Variants in ARHGAP26 observed in about 807,000 individuals in gnomAD.
The protein encoded by ARHGAP26 is Rho GTPase activating protein 26.
A neutral mutation model predicts 104.8 loss-of-function variants in ARHGAP26; 38 were observed. That is an observed-to-expected ratio of 0.36 (90% CI 0.28 to 0.48). ARHGAP26 has a LOEUF of 0.48. Among genes scored for constraint, ARHGAP26 ranks in the 20% least tolerant of loss-of-function variants. The pLI, the probability that ARHGAP26 is intolerant of heterozygous loss-of-function variation, is 0.99. For synonymous variants in ARHGAP26, 341 were observed against 340.0 expected (o/e 1.00, Z -0.03); for missense variants, 704 against 947.9 (o/e 0.74, Z 3.38).
chr5:142,857,222 AT>A (rs1752505533), intron 1 of ARHGAP26, among the ~76,000 whole-genome samples: 1 of 152,174 alleles, frequency 6.6e-6, no homozygotes, highest in African/African-American at 2.4e-5. Flanking sequence ...CAAAGACCCC[AT>A]TTCCAAATAA....
At chr5:143,049,962 A>C (rs1186205711) in intron 14 of ARHGAP26, among the ~76,000 whole-genome samples, 2 of 152,106 alleles carry the variant, frequency 1.3e-5, no homozygotes, top group African/African-American at 4.8e-5. Flanking sequence ...TCTGCTCTGT[A>C]GTCTGATTTC....
At chr5:143,142,671 G>A (rs1207334125) in intron 19 of ARHGAP26, among the ~76,000 whole-genome samples, 3 of 152,178 alleles carry the variant, frequency 2.0e-5, no homozygotes, top group African/African-American at 7.2e-5. Context: ...AAGAGCTACA[G>A]GGGGTAAAAA....
At chr5:143,137,348 A>C (rs1185125587) in intron 19 of ARHGAP26, among the ~76,000 whole-genome samples, 3 of 152,188 alleles carry the variant, frequency 2.0e-5, no homozygotes, top group Admixed American at 1.3e-4. Flanking sequence ...CTCAACTAGA[A>C]TTGGGTTCAG....
intron 20 of ARHGAP26, among the ~76,000 whole-genome samples, chr5:143,197,256 G>A (rs1412695825): frequency 1.3e-5 from 2 of 152,116 alleles, no homozygotes; most frequent in African/African-American, 4.8e-5. Context: ...CTGGGTCCAA[G>A]GGAATGGTAT....
intron 17 of ARHGAP26, among the ~76,000 whole-genome samples, chr5:143,089,531 G>A (rs1182093997): frequency 1.3e-5 from 2 of 152,192 alleles, no homozygotes; most frequent in Non-Finnish European, 2.9e-5. Flanking sequence ...GTACAACACT[G>A]AGTTTTAATC....
chr5:142,959,361 T>C (rs1353364625), intron 11 of ARHGAP26, among the ~76,000 whole-genome samples: 1 of 152,226 alleles, frequency 6.6e-6, no homozygotes, highest in Non-Finnish European at 1.5e-5. Flanking sequence ...GTTCTGAAGC[T>C]CAGAAATCTG....
intron 1 of ARHGAP26, among the ~76,000 whole-genome samples, chr5:142,786,442 G>A (rs1234351475): frequency 6.6e-6 from 1 of 151,996 alleles, no homozygotes; most frequent in Non-Finnish European, 1.5e-5. Flanking sequence ...GACTAGAGGA[G>A]CATGCTACCA....
intron 11 of ARHGAP26, among the ~76,000 whole-genome samples, chr5:142,946,337 C>A (rs1339827139): frequency 6.6e-6 from 1 of 152,118 alleles, no homozygotes; most frequent in Non-Finnish European, 1.5e-5. Flanking sequence ...CTAGACATTC[C>A]GAGCTGTGAC....
At chr5:143,006,223 A>G (rs1266867481) in intron 11 of ARHGAP26, among the ~76,000 whole-genome samples, 1 of 152,114 alleles carries the variant, frequency 6.6e-6, no homozygotes, top group African/African-American at 2.4e-5. Context: ...GGGGAGAACA[A>G]AGCGGTCACC....
chr5:143,124,381 C>G (rs967855050), intron 18 of ARHGAP26, among the ~76,000 whole-genome samples: 1 of 152,204 alleles, frequency 6.6e-6, no homozygotes, highest in Non-Finnish European at 1.5e-5. Context: ...ATCTCCAAAC[C>G]TAGTGACTTA....
At chr5:142,829,583 T>G (rs532236059) in intron 1 of ARHGAP26, among the ~76,000 whole-genome samples, 6 of 152,250 alleles carry the variant, frequency 3.9e-5, no homozygotes, top group African/African-American at 1.2e-4. Flanking sequence ...CAGTGTGATA[T>G]AATTGGTATT....
At chr5:142,815,318 G>A (rs1457416535) in intron 1 of ARHGAP26, among the ~76,000 whole-genome samples, 1 of 152,198 alleles carries the variant, frequency 6.6e-6, no homozygotes, top group African/African-American at 2.4e-5. Flanking sequence ...TGGGATTACC[G>A]GTGTGAACCA....
intron 11 of ARHGAP26, among the ~76,000 whole-genome samples, chr5:143,013,446 T>C (rs1779159050): frequency 6.6e-6 from 1 of 152,246 alleles, no homozygotes; most frequent in Non-Finnish European, 1.5e-5. Context: ...CTTTCCCTTT[T>C]TGTGATTTAC....
intron 6 of ARHGAP26, among the ~76,000 whole-genome samples, chr5:142,895,438 G>T (rs1202316933): frequency 6.6e-6 from 1 of 151,986 alleles, no homozygotes; most frequent in Non-Finnish European, 1.5e-5. Flanking sequence ...CACCATGTTG[G>T]CCAGGATGGT....
At chr5:143,039,092 A>G (rs1477959392) in intron 13 of ARHGAP26, among the ~76,000 whole-genome samples, 1 of 152,030 alleles carries the variant, frequency 6.6e-6, no homozygotes, top group Non-Finnish European at 1.5e-5. Flanking sequence ...CACAGGTTTC[A>G]TTGTGTTCTC....
intron 11 of ARHGAP26, among the ~76,000 whole-genome samples, chr5:142,988,808 A>G (rs1775162199): frequency 6.6e-6 from 1 of 152,142 alleles, no homozygotes; most frequent in South Asian, 2.1e-4. Flanking sequence ...GTTTTGAGTG[A>G]GTTTCTTAAT....
intron 11 of ARHGAP26, among the ~76,000 whole-genome samples, chr5:143,005,493 G>A (rs1777814789): frequency 6.6e-6 from 1 of 152,236 alleles, no homozygotes; most frequent in Admixed American, 6.5e-5. Flanking sequence ...GTTGGGATCA[G>A]CCCCACCCAA....
chr5:143,054,504 A>G lies in ARHGAP26; in HGVS notation c.1351A>G (p.Ser451Gly). 2 of 1,613,088 alleles carry G rather than the reference A, an allele frequency of 1.2e-6. No homozygotes were observed. The highest frequency in any genetic ancestry group is 1.7e-6 in the Non-Finnish European group (2 of 1,179,410). ...CAEWEIKTIT[S>G]ALKTYLRMLP... ...TGAATGGGAGATAAAGACCATCACT[A>G]GTGCTCTGAAGACCTACCTAAGGTA... Residue 451 changes from serine (S) to glycine (G), a missense_variant, in exon 15 of 23, where the codon AGT (serine) becomes GGT (glycine). By Grantham distance (56) the Ser-to-Gly change is moderately conservative. Coordinates refer to ENST00000645722, the MANE Select transcript of ARHGAP26 (RefSeq NM_001135608.3).
At chr5:143,015,913 G>A (rs1399892097) in intron 12 of ARHGAP26, among the ~76,000 whole-genome samples, 1 of 152,226 alleles carries the variant, frequency 6.6e-6, no homozygotes, top group East Asian at 1.9e-4. Flanking sequence ...TCGAGGATAT[G>A]CTTTGGAATC....
Sources: allele counts gnomAD v4.1 joint callset (sites outside exome capture counted in the v4.1 genomes callset), GRCh38; gene constraint gnomAD v4.1.1; transcripts MANE v1.5; gene names NCBI Gene and HGNC (gene_info 2026-07-23, HGNC 2026-07-21).